Variants in MPRIP observed in about 807,000 individuals in gnomAD.
MPRIP encodes myosin phosphatase Rho-interacting protein.
MPRIP carries 59 observed loss-of-function variants against 234.9 expected under a neutral mutation model. That is an observed-to-expected ratio of 0.25 (90% confidence interval 0.20 to 0.31). The LOEUF (loss-of-function observed/expected upper bound fraction) is 0.31, where lower values mean the gene tolerates loss of function less well. Among genes scored for constraint, MPRIP ranks in the 10% least tolerant of loss-of-function variants. The probability of loss-of-function intolerance (pLI) is 1.00; values close to 1 mark genes in which losing one functional copy is unlikely to be tolerated. For missense variants in MPRIP, 2,436 were observed against 3,071.0 expected (o/e 0.79, Z 4.89); for synonymous variants, 1,144 against 1,263.9 (o/e 0.91, Z 2.01).
At position 17,188,509 on chromosome 17, in the gene MPRIP, G is replaced by A. The variant is rs2046522172; in HGVS notation, c.*3615G>A. On this transcript the variant is annotated 3_prime_UTR_variant, in exon 24 of 24. Transcript: ENST00000651222. The stretch of plus-strand genomic sequence containing the variant: ...CCCCTTGACCCTCCAGCTCATGCTG[G>A]AGAAGAGGGAATTTTGGCTGTTTAA... 1 of 152,262 alleles carries A rather than the reference G, an allele frequency of 6.6e-6. No homozygotes were observed. The highest frequency in any genetic ancestry group is 1.9e-4 in the East Asian group (1 of 5,208). 9.4% of individuals were successfully genotyped at this position (152,262 alleles called of 1,614,324 possible).
rs888289854 is a variant in MPRIP at position 17,138,366 on chromosome 17, G to A, written c.1187G>A (p.Arg396His). ...CAGGTGGAGAGAAGGCGGCTGGAGC[G>A]TAGAACTCGGGCCCGGAGCCCTGGC... ...AFQVERRRLE[R>H]RTRARSPGRE... The change falls in exon 7 of 24, where the codon CGT becomes CAT. Residue 396 changes from arginine (R) to histidine (H), a missense_variant. Coordinates refer to ENST00000651222, the MANE Select transcript of MPRIP (RefSeq NM_001364716.4). The surrounding 1 kb of genome is among the most constrained non-coding windows in gnomAD (Gnocchi z 5.8). 11 of 338,748 alleles carry A rather than the reference G, an allele frequency of 3.2e-5. No homozygotes were observed. Among genetic ancestry groups the A allele is most frequent in the East Asian group, 2.1e-4 (4 of 18,660 alleles). 21.0% of individuals were successfully genotyped at this position (338,748 alleles called of 1,614,324 possible). A position where few individuals can be genotyped will look rare whatever the true frequency, so the allele number is the denominator to read the frequency against.
At chr17:17,043,013 C>T in intron 1 of MPRIP, 42 bp downstream of exon 1, 1 of 1,590,434 alleles carries the variant, frequency 6.3e-7, no homozygotes, top group Non-Finnish European at 8.6e-7. Context: ...GTTCTGGGAG[C>T]CGCGGGTCGG....
intron 1 of MPRIP, among the ~76,000 whole-genome samples, chr17:17,068,685 C>T (rs1011568825): frequency 1.3e-4 from 19 of 151,960 alleles, no homozygotes; most frequent in Non-Finnish European, 1.5e-5. Context: ...TGTGTGCCAC[C>T]ACACCCAGCT....
At chr17:17,110,031 G>A (rs1258368378) in intron 3 of MPRIP, among the ~76,000 whole-genome samples, 1 of 152,172 alleles carries the variant, frequency 6.6e-6, no homozygotes, top group Admixed American at 6.5e-5. Flanking sequence ...GTTGGGAGGC[G>A]TTTGGGTCAT....
chr17:17,047,420 C>A (rs2088388694), intron 1 of MPRIP, among the ~76,000 whole-genome samples: 1 of 151,874 alleles, frequency 6.6e-6, no homozygotes, highest in Non-Finnish European at 1.5e-5. Context: ...GTTTTAATGT[C>A]ATGTTTAAGG....
chr17:17,139,826 C>T (rs986262376), intron 7 of MPRIP, among the ~76,000 whole-genome samples: 53 of 152,200 alleles, frequency 3.5e-4, no homozygotes, highest in African/African-American at 1.3e-3. Context: ...GAAGGGCAGC[C>T]AAGTGGTTCC....
At chr17:17,107,510 T>G (rs1016505980) in intron 3 of MPRIP, among the ~76,000 whole-genome samples, 1 of 152,238 alleles carries the variant, frequency 6.6e-6, no homozygotes, top group African/African-American at 2.4e-5. Flanking sequence ...CCTGACACTG[T>G]TGGTGCAGGG....
Position 17,078,057 on chromosome 17 carries a change from G to A in MPRIP, c.248G>A (p.Arg83His). ...FFILYEHGLLRYALDEMPTTL... is the reference protein window; with the variant it reads ...FFILYEHGLLHYALDEMPTTL... ...ATCCTTTACGAGCACGGCCTCTTGC[G>A]CTACGCCCTGGATGAGATGGTAAGT... Residue 83 changes from arginine to histidine, a missense_variant, in exon 3 of 24, where the codon CGC becomes CAC. Arg to His is a conservative substitution (Grantham distance 29). This residue lies in a region of MPRIP where 140 missense variants were observed against 207.3 expected (regional missense o/e 0.68). Coordinates refer to ENST00000651222, the MANE Select transcript of MPRIP (RefSeq NM_001364716.4). The surrounding 1 kb of genome is among the most constrained non-coding windows in gnomAD (Gnocchi z 4.3). 4.3e-6 allele frequency: 7 copies of A among 1,614,128 alleles called. No individual in the cohort carries two copies. Among genetic ancestry groups the A allele is most frequent in the East Asian group, 2.2e-5 (1 of 44,882 alleles).
chr17:17,107,125 G>A (rs534306820), intron 3 of MPRIP, among the ~76,000 whole-genome samples: 1 of 152,362 alleles, frequency 6.6e-6, no homozygotes, highest in African/African-American at 2.4e-5. Flanking sequence ...CTTTGGAAAC[G>A]TAGCCTGGAG....
In MPRIP at chr17:17,173,976, G is replaced by T; in HGVS notation, c.6651G>T (p.Lys2217Asn). 6.2e-7 allele frequency: 1 copy of T among 1,613,760 alleles called. No individual in the cohort carries two copies. The highest frequency in any genetic ancestry group is 8.5e-7 in the Non-Finnish European group (1 of 1,180,036). ...LEVLSEQYSQ[K>N]CLENAHLAQA... ...TCCTCTCGGAGCAGTACTCGCAGAA[G>T]TGCCTGGAGAATGCCCATCTGGCCC... Residue 2217 changes from lysine to asparagine, a missense_variant, in exon 19 of 24, where the codon AAG becomes AAT. Lys to Asn is a moderately conservative substitution (Grantham distance 94). Around this residue, in one of 4 missense-constraint regions of MPRIP, gnomAD observed 1,998 missense variants for 2,520.3 expected, o/e 0.79. Coordinates refer to ENST00000651222, the MANE Select transcript of MPRIP (RefSeq NM_001364716.4).
chr17:17,153,179 G>A (rs753313799), intron 12 of MPRIP, among the ~76,000 whole-genome samples: 2 of 152,170 alleles, frequency 1.3e-5, no homozygotes, highest in South Asian at 2.1e-4. Flanking sequence ...TGTCTTGATC[G>A]GGCATGTGGA....
At chr17:17,133,852 A>G (rs556335470) in intron 5 of MPRIP, among the ~76,000 whole-genome samples, 105 of 152,328 alleles carry the variant, frequency 6.9e-4, no homozygotes, top group African/African-American at 2.3e-3. Context: ...GCTCCAGGCA[A>G]TAAAGGAAAA....
intron 1 of MPRIP, among the ~76,000 whole-genome samples, chr17:17,056,207 G>A (rs914670448): frequency 1.4e-4 from 22 of 152,160 alleles, no homozygotes; most frequent in African/African-American, 5.1e-4. Flanking sequence ...TCCTTCCACC[G>A]TGCTTCTGTC....
chr17:17,147,439 C>A, intron 11 of MPRIP, 52 bp downstream of exon 11: 1 of 1,548,812 alleles, frequency 6.5e-7, no homozygotes, highest in African/African-American at 1.4e-5. Flanking sequence ...GGGGTCCAGG[C>A]GGCATCTGGG....
intron 3 of MPRIP, among the ~76,000 whole-genome samples, chr17:17,116,586 T>G (rs997766117): frequency 2.6e-5 from 4 of 152,206 alleles, no homozygotes; most frequent in Non-Finnish European, 5.9e-5. Context: ...GCCTCTTCAC[T>G]GTGTACCAGG....
chr17:17,118,509 G>A (rs1293510051), intron 3 of MPRIP, among the ~76,000 whole-genome samples: 1 of 152,228 alleles, frequency 6.6e-6, no homozygotes, highest in Non-Finnish European at 1.5e-5. Context: ...TGAGGGCTCA[G>A]CCCAGCCTAG....
chr17:17,138,096 C>G lies in MPRIP; in HGVS notation c.917C>G (p.Pro306Arg). ...CACAGGTACAGTTGCCCCGAGTCGC[C>G]CTCCCAGGAGCTCGGTGGTCCTCTT... ...PNHRYSCPES[P>R]SQELGGPLPS... The change falls in exon 7 of 24, where the codon CCC becomes CGC. Residue 306 changes from proline to arginine, a missense_variant. Physicochemically the swap from Pro to Arg is moderately radical, Grantham distance 103. This residue lies in a region of MPRIP where 267 missense variants were observed against 252.7 expected (regional missense o/e 1.06). Transcript: ENST00000651222. The surrounding 1 kb of genome is among the most constrained non-coding windows in gnomAD (Gnocchi z 5.8). The G allele has an allele frequency of 2.6e-6, 4 of 1,563,310 alleles. No individual in the cohort carries two copies. The highest frequency in any genetic ancestry group is 3.5e-6 in the Non-Finnish European group (4 of 1,154,366).
chr17:17,082,848 A>G (rs1233726137), intron 3 of MPRIP, among the ~76,000 whole-genome samples: 1 of 152,158 alleles, frequency 6.6e-6, no homozygotes, highest in East Asian at 1.9e-4. Flanking sequence ...CCTCACATAA[A>G]TGGGATCATG....
At chr17:17,103,975 G>A (rs2090014009) in intron 3 of MPRIP, among the ~76,000 whole-genome samples, 1 of 152,224 alleles carries the variant, frequency 6.6e-6, no homozygotes, top group African/African-American at 2.4e-5. Flanking sequence ...TTTTCCCAAA[G>A]GAAAGGAACT....
Sources: gnomAD v4.1 joint callset for allele counts (sites outside exome capture counted in the v4.1 genomes callset) on GRCh38, gnomAD v4.1.1 for gene constraint, gnomAD v4.1.1 regional missense constraint, Gnocchi (gnomAD v3.1) non-coding constraint, MANE v1.5 for transcripts, NCBI Gene and HGNC (gene_info 2026-07-23, HGNC 2026-07-21) for gene names.